The following CMIP variants were observed in gnomAD, a reference collection of about 807,000 sequenced individuals.
CMIP encodes the protein c-Maf inducing protein, also known as C-Maf-inducing protein.
A neutral mutation model predicts 97.3 loss-of-function variants in CMIP; 13 were observed. The observed-to-expected ratio is 0.13, with a 90% confidence interval of 0.09 to 0.21. The LOEUF is 0.21. CMIP is among the 10% of genes least tolerant of loss of function. The probability of loss-of-function intolerance (pLI) is 1.00; values close to 1 mark genes in which losing one functional copy is unlikely to be tolerated. For synonymous variants in CMIP, 538 were observed against 436.3 expected (o/e 1.23, Z -2.91); for missense variants, 847 against 1,024.9 (o/e 0.83, Z 2.37).
chr16:81,668,699 A>T (rs2092638509), intron 7 of CMIP, among the ~76,000 whole-genome samples: 1 of 152,014 alleles, frequency 6.6e-6, no homozygotes, highest in African/African-American at 2.4e-5. Context: ...TCCCCTCATC[A>T]TAGTGACACG....
At chr16:81,454,183 G>T (rs1224750675) in intron 1 of CMIP, among the ~76,000 whole-genome samples, 3 of 152,214 alleles carry the variant, frequency 2.0e-5, no homozygotes. Flanking sequence ...GGACCTATAT[G>T]TTCCTGGTTG....
intron 8 of CMIP, among the ~76,000 whole-genome samples, chr16:81,671,368 C>G (rs1205024463): frequency 2.0e-5 from 3 of 152,140 alleles, no homozygotes; most frequent in Admixed American, 2.0e-4. Flanking sequence ...AGGTGTTATC[C>G]TCAGGACCAC....
chr16:81,647,268 AC>A (rs1446069044), intron 3 of CMIP, among the ~76,000 whole-genome samples: 2 of 152,312 alleles, frequency 1.3e-5, no homozygotes, highest in East Asian at 3.9e-4. Context: ...TTAAAGCCAG[AC>A]CTTGGCAAAC....
intron 1 of CMIP, among the ~76,000 whole-genome samples, chr16:81,553,027 G>A (rs1240149666): frequency 6.6e-6 from 1 of 152,216 alleles, no homozygotes; most frequent in African/African-American, 2.4e-5. Flanking sequence ...GTCAGCTGCT[G>A]TCTGGGGATT....
chr16:81,572,754 G>T (rs1321548547), intron 1 of CMIP, among the ~76,000 whole-genome samples: 2 of 152,172 alleles, frequency 1.3e-5, no homozygotes, highest in Admixed American at 6.5e-5. Context: ...TGGCGCCAAG[G>T]TCCCTCAGGC....
Position 81,709,982 on chromosome 16 carries a change from C to T in CMIP, c.*183C>T, listed in dbSNP as rs1026147813. The T allele has an allele frequency of 1.1e-4, 65 of 607,294 alleles. No homozygotes were observed. Among genetic ancestry groups the T allele is most frequent in the Non-Finnish European group, 1.6e-4 (56 of 344,146 alleles). 37.6% of individuals were successfully genotyped at this position (607,294 alleles called of 1,614,324 possible). On this transcript the variant is annotated 3_prime_UTR_variant, in exon 21 of 21. Coordinates refer to ENST00000537098, the MANE Select transcript of CMIP (RefSeq NM_198390.3). Reference sequence around the variant, plus strand: ...GGGGCCCACAAGCACGCCCAGCCCCCGCCGAATTCTTTTAGCTTCGTAATT... The same window carrying T: ...GGGGCCCACAAGCACGCCCAGCCCCTGCCGAATTCTTTTAGCTTCGTAATT...
intron 1 of CMIP, among the ~76,000 whole-genome samples, chr16:81,568,894 G>C (rs11649004): frequency 9.9e-5 from 15 of 152,128 alleles, no homozygotes; most frequent in African/African-American, 3.6e-4. Context: ...ATAAGCCGAA[G>C]TAGCTGTGAA....
In CMIP at chr16:81,652,106, C is replaced by G. The variant is rs2092434869; in HGVS notation, c.478-97C>G. ...GCCAAGTTGTCAGTTTCTCAGGGCC[C>G]TTTACACCCTAACCCATCTGATTCT... On this transcript the variant is annotated intron_variant, in intron 3 of 20. Coordinates refer to ENST00000537098, the MANE Select transcript of CMIP (RefSeq NM_198390.3). This position sits in a 1 kb window ranked among gnomAD's most constrained non-coding sequence, Gnocchi z 5.2. The G allele has an allele frequency of 5.0e-6, 5 of 991,108 alleles. No individual in the cohort carries two copies. The highest frequency in any genetic ancestry group is 3.1e-5 in the South Asian group (2 of 65,248). 61.4% of individuals were successfully genotyped at this position (991,108 alleles called of 1,614,324 possible).
chr16:81,499,913 T>A (rs1427907111), intron 1 of CMIP, among the ~76,000 whole-genome samples: 1 of 152,224 alleles, frequency 6.6e-6, no homozygotes, highest in East Asian at 1.9e-4. Flanking sequence ...GCATCCAAAC[T>A]CCTCTGCCCT....
chr16:81,448,425 A>C (rs1905999648), intron 1 of CMIP, among the ~76,000 whole-genome samples: 1 of 152,264 alleles, frequency 6.6e-6, no homozygotes, highest in South Asian at 2.1e-4. Flanking sequence ...GCTGGGATGC[A>C]GGCAGACTCG....
intron 1 of CMIP, among the ~76,000 whole-genome samples, chr16:81,529,637 G>T (rs2090194771): frequency 6.6e-6 from 1 of 152,186 alleles, no homozygotes; most frequent in Admixed American, 6.5e-5. Flanking sequence ...TTATCCAGGG[G>T]GGCCAGTGTC....
chr16:81,473,838 G>A (rs527262972), intron 1 of CMIP, among the ~76,000 whole-genome samples: 150 of 130,864 alleles, frequency 1.1e-3, no homozygotes, highest in African/African-American at 4.0e-3. Flanking sequence ...TTTTCTTAAA[G>A]CTTCAGTAAG....
At chr16:81,579,902 G>A (rs1350160689) in intron 1 of CMIP, among the ~76,000 whole-genome samples, 1 of 152,202 alleles carries the variant, frequency 6.6e-6, no homozygotes, top group African/African-American at 2.4e-5. Flanking sequence ...CTTGCAGTGA[G>A]CCGAGATCGC....
At chr16:81,631,136 C>T (rs1005811491) in intron 3 of CMIP, 1 of 152,300 alleles carries the variant, frequency 6.6e-6, no homozygotes, top group African/African-American at 2.4e-5. Flanking sequence ...GAGCTCATGT[C>T]TCGCAGGCTT....
chr16:81,540,371 C>T (rs2061679), intron 1 of CMIP, among the ~76,000 whole-genome samples: 6,774 of 152,284 alleles, frequency 0.044, 201 homozygotes, highest in Middle Eastern at 0.085. Context: ...GGCACAATCA[C>T]GGCTCACTGC....
intron 18 of CMIP, among the ~76,000 whole-genome samples, chr16:81,705,069 G>A (rs1232031744): frequency 6.6e-6 from 1 of 152,090 alleles, no homozygotes; most frequent in Non-Finnish European, 1.5e-5. Context: ...GGCCTTCACT[G>A]CACACCTGTG....
chr16:81,508,433 A>C (rs1031847632), intron 1 of CMIP, among the ~76,000 whole-genome samples: 4 of 152,260 alleles, frequency 2.6e-5, no homozygotes, highest in Non-Finnish European at 5.9e-5. Context: ...GAATGGTTGC[A>C]TATCAGGACA....
chr16:81,548,486 C>T (rs988039741), intron 1 of CMIP, among the ~76,000 whole-genome samples: 2 of 151,982 alleles, frequency 1.3e-5, no homozygotes, highest in African/African-American at 2.4e-5. Context: ...CATTTGGCAC[C>T]ATCCCTGGCC....
At chr16:81,521,547 T>G (rs1474322504) in intron 1 of CMIP, among the ~76,000 whole-genome samples, 1 of 152,116 alleles carries the variant, frequency 6.6e-6, no homozygotes, top group East Asian at 1.9e-4. Flanking sequence ...GCTGAGTGTC[T>G]CTAAGGGTGC....
Sources: gnomAD v4.1 joint callset for allele counts (sites outside exome capture counted in the v4.1 genomes callset) on GRCh38, gnomAD v4.1.1 for gene constraint, Gnocchi (gnomAD v3.1) non-coding constraint, MANE v1.5 for transcripts, NCBI Gene and HGNC (gene_info 2026-07-23, HGNC 2026-07-21) for gene names.